The following BRAF variants were observed in gnomAD, a reference collection of about 807,000 sequenced individuals.
The protein encoded by BRAF is serine/threonine-protein kinase B-raf.
BRAF carries 16 observed loss-of-function variants against 104.6 expected under a neutral mutation model. That is an observed-to-expected ratio of 0.15 (90% CI 0.10 to 0.23). The LOEUF (loss-of-function observed/expected upper bound fraction) is 0.23. Among genes scored for constraint, BRAF ranks in the 10% least tolerant of loss-of-function variants. The pLI, the probability that BRAF is intolerant of heterozygous loss-of-function variation, is 1.00. For missense variants in BRAF, 541 were observed against 937.3 expected (o/e 0.58, Z 5.52); for synonymous variants, 310 against 341.6 (o/e 0.91, Z 1.02).
chr7:140,751,270 T>C (rs1797766363), intron 16 of BRAF, among the ~76,000 whole-genome samples: 1 of 151,452 alleles, frequency 6.6e-6, no homozygotes, highest in African/African-American at 2.4e-5. Context: ...AACTGGAGAC[T>C]TGATTGAGCC....
intron 1 of BRAF, among the ~76,000 whole-genome samples, chr7:140,865,588 T>C (rs1586458808): frequency 6.6e-6 from 1 of 152,194 alleles, no homozygotes; most frequent in Non-Finnish European, 1.5e-5. Flanking sequence ...AGTCATTTCA[T>C]AATAGTATCT....
chr7:140,803,597 C>T (rs1487734713), intron 5 of BRAF, among the ~76,000 whole-genome samples: 2 of 152,010 alleles, frequency 1.3e-5, no homozygotes, highest in Non-Finnish European at 2.9e-5. Context: ...TGATCAATTT[C>T]TTAGAGGATT....
At position 140,721,948 on chromosome 7, in the gene BRAF, T is replaced by A; in HGVS notation, c.*4546A>T. On this transcript the variant is annotated 3_prime_UTR_variant, in exon 20 of 20. Transcript: ENST00000644969. ...AACTCTGAAAAATCAGTGTCTAGGT[T>A]GGCAGCAGTACTCTGGAAACTGATA... The A allele has an allele frequency of 8.0e-7, 1 of 1,251,134 alleles. No homozygotes were observed. The highest frequency in any genetic ancestry group is 1.0e-6 in the Non-Finnish European group (1 of 999,602). The allele number at this position is 1,251,134 out of a possible 1,614,324, so 77.5% of individuals were successfully genotyped here.
rs1021014642 is a variant in BRAF, at chr7:140,722,686, T to C, written c.*3808A>G. On this transcript the variant is annotated 3_prime_UTR_variant, in exon 20 of 20. Transcript: ENST00000644969. ...TCATTCTACCCTCTTAGCTGGGTGGTCTTTCTATGAATGCCTGTGCATGTG... is the reference window on the plus strand; with the variant it reads ...TCATTCTACCCTCTTAGCTGGGTGGCCTTTCTATGAATGCCTGTGCATGTG... The C allele has an allele frequency of 1.9e-6, 2 of 1,051,766 alleles. No homozygotes were observed. The highest frequency in any genetic ancestry group is 3.3e-5 in the African/African-American group (2 of 60,356). 65.2% of individuals were successfully genotyped at this position (1,051,766 alleles called of 1,614,324 possible).
chr7:140,916,486 T>C (rs936372162), intron 1 of BRAF, among the ~76,000 whole-genome samples: 1 of 152,244 alleles, frequency 6.6e-6, no homozygotes, highest in Non-Finnish European at 1.5e-5. Flanking sequence ...CATTGTAAAC[T>C]AGTATCTTTC....
At chr7:140,717,519 A>G (rs1192714071), downstream of BRAF, among the ~76,000 whole-genome samples, 1 of 152,134 alleles carries the variant, frequency 6.6e-6, no homozygotes, top group East Asian at 1.9e-4. Context: ...AAGTGCTGGG[A>G]TTTAGGCGTG....
chr7:140,805,911 G>A (rs1233864870), intron 5 of BRAF, among the ~76,000 whole-genome samples: 1 of 152,142 alleles, frequency 6.6e-6, no homozygotes, highest in Non-Finnish European at 1.5e-5. Flanking sequence ...GGCACTCAGA[G>A]CAATCATTCT....
intron 17 of BRAF, chr7:140,740,147 T>C (rs1158915005): frequency 1.2e-5 from 7 of 578,712 alleles, no homozygotes; most frequent in Non-Finnish European, 2.1e-5. Context: ...CAAATCTTCA[T>C]GATCCTTGGA....
At chr7:140,896,837 C>G (rs1814963854) in intron 1 of BRAF, among the ~76,000 whole-genome samples, 1 of 123,386 alleles carries the variant, frequency 8.1e-6, no homozygotes. Context: ...GTGCTCCAGC[C>G]TGGGTGACAG....
intron 15 of BRAF, 115 bp from the exon 15 acceptor site, chr7:140,753,508 T>C: frequency 1.4e-6 from 1 of 698,532 alleles, no homozygotes; most frequent in Non-Finnish European, 2.5e-6. Flanking sequence ...TAATATTCTT[T>C]AAAACATAGT....
At chr7:140,885,867 G>A (rs1586544571) in intron 1 of BRAF, among the ~76,000 whole-genome samples, 1 of 152,328 alleles carries the variant, frequency 6.6e-6, no homozygotes, top group East Asian at 1.9e-4. Context: ...GTATGTGGGA[G>A]TAAGAGTATT....
At chr7:140,832,916 C>T (rs1806930248) in intron 3 of BRAF, among the ~76,000 whole-genome samples, 3 of 151,034 alleles carry the variant, frequency 2.0e-5, no homozygotes, top group Admixed American at 2.0e-4. Context: ...CTCTGTTGCC[C>T]AGGCTGGAGT....
chr7:140,768,263 AT>A (rs993558339), intron 14 of BRAF, among the ~76,000 whole-genome samples: 3 of 11,972 alleles, frequency 2.5e-4, no homozygotes, highest in African/African-American at 2.4e-3. Flanking sequence ...TGATTTTGAA[AT>A]TTTAAAAAAA....
At chr7:140,893,312 C>T (rs1274864286) in intron 1 of BRAF, among the ~76,000 whole-genome samples, 1 of 151,014 alleles carries the variant, frequency 6.6e-6, no homozygotes, top group Non-Finnish European at 1.5e-5. Context: ...TGCAGTGGCG[C>T]GATCTCAGCT....
At chr7:140,859,440 T>C (rs1810155203) in intron 1 of BRAF, among the ~76,000 whole-genome samples, 1 of 152,182 alleles carries the variant, frequency 6.6e-6, no homozygotes, top group Admixed American at 6.5e-5. Context: ...CTTAGGGAAT[T>C]GTGTGTGCCT....
intron 1 of BRAF, among the ~76,000 whole-genome samples, chr7:140,866,886 T>G (rs1016547339): frequency 2.0e-5 from 3 of 152,168 alleles, no homozygotes; most frequent in African/African-American, 7.2e-5. Context: ...AGAGAGCACT[T>G]TGTAAGACAG....
At chr7:140,903,790 A>T (rs1426596440) in intron 1 of BRAF, among the ~76,000 whole-genome samples, 1 of 152,196 alleles carries the variant, frequency 6.6e-6, no homozygotes, top group Non-Finnish European at 1.5e-5. Context: ...GAAGAAGTTG[A>T]TTCTAACCCT....
At chr7:140,906,258 G>A (rs962576624) in intron 1 of BRAF, among the ~76,000 whole-genome samples, 4 of 151,708 alleles carry the variant, frequency 2.6e-5, no homozygotes, top group Non-Finnish European at 5.9e-5. Flanking sequence ...CTGGTGTGCA[G>A]TGGCACGACC....
chr7:140,923,858 A>G (rs1042126003), intron 1 of BRAF, among the ~76,000 whole-genome samples: 1 of 152,174 alleles, frequency 6.6e-6, no homozygotes, highest in African/African-American at 2.4e-5. Flanking sequence ...ACAACTGGAA[A>G]ATGAGCGGGC....
Sources: allele counts gnomAD v4.1 joint callset (sites outside exome capture counted in the v4.1 genomes callset), GRCh38; gene constraint gnomAD v4.1.1; transcripts MANE v1.5; gene names NCBI Gene and HGNC (gene_info 2026-07-23, HGNC 2026-07-21).